Variants in IPPK observed in about 807,000 individuals in gnomAD.
IPPK encodes the protein inositol-pentakisphosphate 2-kinase, also known as IPK1 homolog.
Under a neutral mutation model 64.6 loss-of-function variants are expected in IPPK, and 22 were observed. The ratio of observed to expected loss-of-function variants is 0.34; its 90% CI spans 0.24 to 0.49. The LOEUF is 0.49. Among genes scored for constraint, IPPK ranks in the 20% least tolerant of loss-of-function variants. The probability of loss-of-function intolerance (pLI) is 0.99; values close to 1 mark genes in which losing one functional copy is unlikely to be tolerated. For missense variants in IPPK, 532 were observed against 630.7 expected (o/e 0.84, Z 1.68); for synonymous variants, 262 against 247.2 (o/e 1.06, Z -0.56).
Position 92,638,068 on chromosome 9 carries a change from C to T in IPPK, c.849G>A (p.Pro283=), listed in dbSNP as rs762900452. 82 of 1,610,746 alleles carry T rather than the reference C, an allele frequency of 5.1e-5. No homozygotes were observed. The highest frequency in any genetic ancestry group is 6.4e-5 in the Non-Finnish European group (75 of 1,178,866). The change falls in exon 9 of 13, where the codon CCG becomes CCA. Residue 283 remains proline, a synonymous_variant. Coordinates refer to ENST00000287996, the MANE Select transcript of IPPK (RefSeq NM_022755.6). ...SDKGRAGTLS[P]GLGPQGPRVC... The stretch of plus-strand genomic sequence containing the variant: ...CTCGCGGGCCCTGAGGCCCGAGCCC[C>T]GGACTCAGGGTGCCTGCCCGGCCCT...
Position 92,635,423 on chromosome 9 carries a change from C to A in IPPK, c.917-115G>T. On this transcript the variant is annotated intron_variant, in intron 9 of 12. Coordinates refer to ENST00000287996, the MANE Select transcript of IPPK (RefSeq NM_022755.6). This position sits in a 1 kb window ranked among gnomAD's most constrained non-coding sequence, Gnocchi z 4.4. The stretch of plus-strand genomic sequence containing the variant: ...CCTGGGCTCCGCCATACGGGCATCA[C>A]CACAGGCAAGGACTGCACCCTGGAC... 2.6e-6 allele frequency: 3 copies of A among 1,140,054 alleles called. No individual in the cohort carries two copies. In the South Asian group the frequency reaches 4.6e-5, roughly 17 times the overall value. The allele number at this position is 1,140,054 out of a possible 1,614,324, so 70.6% of individuals were successfully genotyped here. A position where few individuals can be genotyped will look rare whatever the true frequency, so the allele number is the denominator to read the frequency against.
intron 3 of IPPK, 69 bp downstream of exon 3, chr9:92,656,387 T>G (rs1852372891): frequency 3.0e-5 from 29 of 974,582 alleles, no homozygotes; most frequent in Non-Finnish European, 4.2e-5. Flanking sequence ...GTTCCAAAGA[T>G]CACCGGGAAA....
chr9:92,640,100 G>A (rs1852016911), intron 8 of IPPK, among the ~76,000 whole-genome samples: 2 of 152,218 alleles, frequency 1.3e-5, no homozygotes, highest in African/African-American at 4.8e-5. Context: ...GGGAGCCCAG[G>A]ACTCTGTCCC....
intron 11 of IPPK, among the ~76,000 whole-genome samples, chr9:92,621,367 T>C (rs1018302834): frequency 6.6e-6 from 1 of 152,082 alleles, no homozygotes; most frequent in African/African-American, 2.4e-5. Flanking sequence ...GCCAAAATTC[T>C]GAAAACATAG....
At chr9:92,628,509 C>A (rs1336106345) in intron 11 of IPPK, among the ~76,000 whole-genome samples, 2 of 152,174 alleles carry the variant, frequency 1.3e-5, no homozygotes, top group Non-Finnish European at 2.9e-5. Context: ...AGAAATAAAG[C>A]CATACATCTA....
chr9:92,669,955 C>T lies in IPPK; in HGVS notation c.34G>A (p.Gly12Arg), dbSNP rs764225831. 1.2e-6 allele frequency: 2 copies of T among 1,613,268 alleles called. No homozygotes were observed. The highest frequency in any genetic ancestry group is 1.1e-5 in the South Asian group (1 of 91,004). Reference protein sequence around the residue: ...EEGKMDENEWGYHGEGNKSLV... With the variant: ...EEGKMDENEWRYHGEGNKSLV... ...CTCTTATTGCCCTCTCCGTGGTACCCCCATTCATTCTCGTCCATCTTCCCC... is the reference window on the plus strand; with the variant it reads ...CTCTTATTGCCCTCTCCGTGGTACCTCCATTCATTCTCGTCCATCTTCCCC... Residue 12 changes from glycine to arginine, a missense_variant, in exon 1 of 13, where the codon GGG becomes AGG. By Grantham distance (125) the Gly-to-Arg change is moderately radical. Transcript: ENST00000287996.
chr9:92,635,527 G>C lies in IPPK; in HGVS notation c.917-219C>G, dbSNP rs1851925554. 6.6e-6 allele frequency among the ~76,000 whole-genome samples: 1 copy of C among 152,162 alleles called. No individual in the cohort carries two copies. The highest frequency in any genetic ancestry group is 1.5e-5 in the Non-Finnish European group (1 of 68,024). ...GCAGCGTGCCTGGACCACACTGGAT[G>C]CACCAGGCCAAGCACAAAGGAGGGA... On this transcript the variant is annotated intron_variant, in intron 9 of 12. Transcript: ENST00000287996. This position sits in a 1 kb window ranked among gnomAD's most constrained non-coding sequence, Gnocchi z 4.4.
At chr9:92,642,686 T>G in intron 7 of IPPK, 66 bp downstream of exon 7, 5 of 1,322,794 alleles carry the variant, frequency 3.8e-6, no homozygotes, top group Non-Finnish European at 5.4e-6. Context: ...CACCAGGCAC[T>G]GGCCCCCGCC....
In IPPK at chr9:92,649,372, C is replaced by T. The variant is rs952072191; in HGVS notation, c.414+81G>A. On this transcript the variant is annotated intron_variant, in intron 5 of 12. Transcript: ENST00000287996. ...CACTCACTTCAGTGGGAACTGGAAC[C>T]CAAGGCACGTGACTCTTGGACTTAC... 17 of 1,551,656 alleles carry T rather than the reference C, an allele frequency of 1.1e-5. No homozygotes were observed. In the African/African-American group the frequency reaches 1.6e-4, roughly 15 times the overall value.
intron 6 of IPPK, among the ~76,000 whole-genome samples, chr9:92,647,736 G>A (rs1248686222): frequency 6.6e-6 from 1 of 151,704 alleles, no homozygotes; most frequent in Non-Finnish European, 1.5e-5. Flanking sequence ...ATTTAAAAGA[G>A]TGAATCTGGT....
chr9:92,626,918 G>GAA (rs11449391), intron 11 of IPPK, among the ~76,000 whole-genome samples: 6,604 of 138,630 alleles, frequency 0.048, 225 homozygotes, highest in South Asian at 0.15. Flanking sequence ...ATGCTATTAA[G>GAA]AAAAAAAAAA....
At chr9:92,618,175 CCTT>C (rs1248001652) in intron 12 of IPPK, 1 of 453,770 alleles carries the variant, frequency 2.2e-6, no homozygotes, top group East Asian at 7.0e-5. Flanking sequence ...GGAGGAGAAG[CCTT>C]CTCTGAGATC....
chr9:92,638,549 C>T (rs551489106), intron 8 of IPPK, among the ~76,000 whole-genome samples: 1 of 152,364 alleles, frequency 6.6e-6, no homozygotes, highest in Admixed American at 6.5e-5. Flanking sequence ...ACCAACGCCC[C>T]CAGACAATGA....
intron 3 of IPPK, among the ~76,000 whole-genome samples, chr9:92,655,438 G>C (rs1852352799): frequency 6.6e-6 from 1 of 152,112 alleles, no homozygotes. Flanking sequence ...CGGCCTTGTG[G>C]GTTGAGCCCT....
intron 6 of IPPK, among the ~76,000 whole-genome samples, chr9:92,643,914 A>T (rs1441347079): frequency 6.6e-6 from 1 of 152,252 alleles, no homozygotes; most frequent in Non-Finnish European, 1.5e-5. Flanking sequence ...AGGTAATCCA[A>T]TTCATGCCAT....
chr9:92,636,374 C>T (rs72756411), intron 9 of IPPK, among the ~76,000 whole-genome samples: 10 of 152,326 alleles, frequency 6.6e-5, no homozygotes, highest in Admixed American at 3.3e-4. Context: ...CCGTGGCTTA[C>T]GCCTGCAATC....
At chr9:92,619,368 T>C (rs1474632530) in intron 12 of IPPK, 118 bp downstream of exon 12, 2 of 789,564 alleles carry the variant, frequency 2.5e-6, no homozygotes, top group East Asian at 2.7e-5. Context: ...AAGGAAGTTA[T>C]GTCACTCCGC....
chr9:92,667,949 TAG>T (rs1186078339), intron 1 of IPPK, among the ~76,000 whole-genome samples: 1 of 150,366 alleles, frequency 6.7e-6, no homozygotes, highest in Non-Finnish European at 1.5e-5. Context: ...CTGGTGGCTG[TAG>T]GTAAATTTGA....
intron 1 of IPPK, among the ~76,000 whole-genome samples, chr9:92,667,036 G>C (rs1333680529): frequency 6.6e-6 from 1 of 152,250 alleles, no homozygotes; most frequent in Non-Finnish European, 1.5e-5. Context: ...TGCAGGACGA[G>C]CTCAGGCTGG....
Sources: gnomAD v4.1 joint callset for allele counts (sites outside exome capture counted in the v4.1 genomes callset) on GRCh38, gnomAD v4.1.1 for gene constraint, Gnocchi (gnomAD v3.1) non-coding constraint, MANE v1.5 for transcripts, NCBI Gene and HGNC (gene_info 2026-07-23, HGNC 2026-07-21) for gene names.